Variants in RGS7 observed in about 807,000 individuals in gnomAD.
RGS7 encodes regulator of G protein signaling 7.
A neutral mutation model predicts 81.1 loss-of-function variants in RGS7; 27 were observed. The ratio of observed to expected loss-of-function variants is 0.33; its 90% CI spans 0.25 to 0.46. The LOEUF (loss-of-function observed/expected upper bound fraction) is 0.46. RGS7 is among the 20% of genes least tolerant of loss of function. The pLI, the probability that RGS7 is intolerant of heterozygous loss-of-function variation, is 1.00. For synonymous variants in RGS7, 208 were observed against 207.7 expected, an observed-to-expected ratio of 1.00 and a Z score of -0.01; for missense variants, 396 against 607.4, an observed-to-expected ratio of 0.65 and a Z score of 3.66.
chr1:240,899,380 C>T (rs144550966), intron 6 of RGS7, among the ~76,000 whole-genome samples: 31 of 152,290 alleles, frequency 2.0e-4, no homozygotes, highest in East Asian at 1.7e-3. Context: ...TTCCTAGCAT[C>T]GATGGTCTTT....
At chr1:241,318,088 C>T (rs1045548144) in intron 2 of RGS7, among the ~76,000 whole-genome samples, 9 of 152,152 alleles carry the variant, frequency 5.9e-5, no homozygotes, top group African/African-American at 1.2e-4. Flanking sequence ...CATTTGTCTA[C>T]GTGTTACAGA....
At chr1:240,890,449 C>A (rs995890158) in intron 6 of RGS7, among the ~76,000 whole-genome samples, 1 of 152,142 alleles carries the variant, frequency 6.6e-6, no homozygotes, top group Admixed American at 6.6e-5. Flanking sequence ...CCATACCCAG[C>A]CTTGCCTCCT....
At chr1:241,210,347 A>G (rs1382576389) in intron 2 of RGS7, among the ~76,000 whole-genome samples, 2 of 152,098 alleles carry the variant, frequency 1.3e-5, no homozygotes, top group Non-Finnish European at 2.9e-5. Context: ...ATGGGGTTTC[A>G]CCAAGTTGGC....
intron 18 of RGS7, among the ~76,000 whole-genome samples, chr1:240,798,779 GT>G (rs2103040986): frequency 6.6e-6 from 1 of 152,260 alleles, no homozygotes; most frequent in African/African-American, 2.4e-5. Flanking sequence ...ATGAATGTGA[GT>G]TTTTCCCCAT....
At chr1:241,070,723 C>T (rs1014401876) in intron 3 of RGS7, among the ~76,000 whole-genome samples, 1 of 152,118 alleles carries the variant, frequency 6.6e-6, no homozygotes, top group African/African-American at 2.4e-5. Flanking sequence ...AAATTAGGCA[C>T]AGGATTTGGC....
intron 6 of RGS7, among the ~76,000 whole-genome samples, chr1:240,885,961 A>G (rs978403657): frequency 6.6e-6 from 1 of 152,172 alleles, no homozygotes; most frequent in Non-Finnish European, 1.5e-5. Flanking sequence ...CTCATATTCT[A>G]TACCTCCTAA....
At chr1:240,921,583 G>A (rs1236726736) in intron 6 of RGS7, among the ~76,000 whole-genome samples, 3 of 152,024 alleles carry the variant, frequency 2.0e-5, no homozygotes, top group Admixed American at 6.6e-5. Flanking sequence ...CAAAGTTGCA[G>A]GGTACAAAAA....
chr1:240,821,470 C>T (rs1446999859), intron 10 of RGS7, among the ~76,000 whole-genome samples: 2 of 152,100 alleles, frequency 1.3e-5, no homozygotes, highest in African/African-American at 2.4e-5. Context: ...AGAAAACTCC[C>T]CTCTTTATTC....
chr1:241,008,675 G>A (rs960348356), intron 3 of RGS7, among the ~76,000 whole-genome samples: 4 of 152,118 alleles, frequency 2.6e-5, no homozygotes, highest in Admixed American at 1.3e-4. Flanking sequence ...CACTTTGGGA[G>A]GCTGAGGTGG....
chr1:240,940,073 C>T (rs28610331), intron 4 of RGS7, among the ~76,000 whole-genome samples: 1 of 151,948 alleles, frequency 6.6e-6, no homozygotes, highest in Non-Finnish European at 1.5e-5. Context: ...GAACAACACT[C>T]TATCTCAAAA....
chr1:240,793,145 C>A (rs1686303460), intron 18 of RGS7, among the ~76,000 whole-genome samples: 1 of 152,102 alleles, frequency 6.6e-6, no homozygotes, highest in Non-Finnish European at 1.5e-5. Flanking sequence ...TCAGCAGCCC[C>A]ACAGCATTCC....
At chr1:240,776,791 A>G (rs566466139) in intron 18 of RGS7, among the ~76,000 whole-genome samples, 12 of 152,352 alleles carry the variant, frequency 7.9e-5, no homozygotes, top group African/African-American at 2.9e-4. Flanking sequence ...TGCCAATTAT[A>G]TATCTGAAGA....
chr1:241,016,919 C>T (rs987175872), intron 3 of RGS7, among the ~76,000 whole-genome samples: 1 of 152,112 alleles, frequency 6.6e-6, no homozygotes, highest in Non-Finnish European at 1.5e-5. Context: ...TCTTTTACTG[C>T]CTTCCATTGA....
intron 3 of RGS7, among the ~76,000 whole-genome samples, chr1:241,098,075 G>C (rs2064414115): frequency 1.3e-5 from 2 of 152,128 alleles, no homozygotes; most frequent in South Asian, 2.1e-4. Context: ...TTTATCCCGA[G>C]CACTTTCATC....
rs565527981 is a variant in RGS7 at position 241,088,983 on chromosome 1, G to A, written c.175+9683C>T. On this transcript the variant is annotated intron_variant, in intron 3 of 18. Coordinates refer to ENST00000440928, the MANE Select transcript of RGS7 (RefSeq NM_001364886.1). ...TTGAGATGGCGCGAGTTGAGACTGCGCGACTGCACTCCAGCCTGGGCCACA... is the reference window on the plus strand; with the variant it reads ...TTGAGATGGCGCGAGTTGAGACTGCACGACTGCACTCCAGCCTGGGCCACA... Among the ~76,000 whole-genome samples, 73 of 145,028 alleles carry A rather than the reference G, an allele frequency of 5.0e-4. 1 individual carries two copies. In the South Asian group the frequency reaches 0.015, roughly 31 times the overall value.
At chr1:240,811,800 G>A in intron 14 of RGS7, 118 bp downstream of exon 14, 1 of 947,342 alleles carries the variant, frequency 1.1e-6, no homozygotes, top group South Asian at 1.3e-5. Flanking sequence ...AAATTCAATG[G>A]GTTCATGACA....
In RGS7 at chr1:240,940,334, A is replaced by C. The variant is rs1184384117; in HGVS notation, c.227-3628T>G. Among the ~76,000 whole-genome samples the C allele has an allele frequency of 2.0e-5, 3 of 152,302 alleles. No homozygotes were observed. The East Asian group carries it at 5.8e-4, about 29-fold the overall frequency. ...ATCCCCATGTACATGTAAAACTAAT[A>C]AAATGTGTATGATTTTCTCTATTAA... On this transcript the variant is annotated intron_variant, in intron 4 of 18. Coordinates refer to ENST00000440928, the MANE Select transcript of RGS7 (RefSeq NM_001364886.1).
intron 6 of RGS7, among the ~76,000 whole-genome samples, chr1:240,879,695 G>C (rs1262113256): frequency 1.3e-5 from 2 of 152,092 alleles, no homozygotes; most frequent in Non-Finnish European, 2.9e-5. Context: ...TGTATTTCTT[G>C]AATTTTAATC....
intron 14 of RGS7, among the ~76,000 whole-genome samples, chr1:240,809,144 A>G (rs1689400346): frequency 6.6e-6 from 1 of 152,142 alleles, no homozygotes; most frequent in East Asian, 1.9e-4. Flanking sequence ...TGATATTACT[A>G]TGTTTTCTTA....
Sources: allele counts gnomAD v4.1 joint callset (sites outside exome capture counted in the v4.1 genomes callset), GRCh38; gene constraint gnomAD v4.1.1; transcripts MANE v1.5; gene names NCBI Gene and HGNC (gene_info 2026-07-23, HGNC 2026-07-21).